The following HSD17B12 variants were observed in gnomAD, a reference collection of about 807,000 sequenced individuals.
HSD17B12 encodes very-long-chain 3-oxoacyl-CoA reductase.
In HSD17B12, 32 loss-of-function variants were observed where a neutral mutation model predicts 39.3. That is an observed-to-expected ratio of 0.81 (90% CI 0.61 to 1.09). The LOEUF is 1.09. Ranked by LOEUF, HSD17B12 falls within the 50% of genes least tolerant of loss-of-function variation. The probability of loss-of-function intolerance (pLI) is 0.00; values close to 1 mark genes in which losing one functional copy is unlikely to be tolerated. For synonymous variants in HSD17B12, 150 were observed against 146.7 expected (o/e 1.02, Z -0.16); for missense variants, 342 against 382.9 (o/e 0.89, Z 0.89).
At chr11:43,720,603 A>G (rs922923313) in intron 1 of HSD17B12, among the ~76,000 whole-genome samples, 1 of 152,220 alleles carries the variant, frequency 6.6e-6, no homozygotes, top group Admixed American at 6.5e-5. Flanking sequence ...AAGCAAGTCA[A>G]TCAAAGCAAG....
chr11:43,854,758 G>T lies in HSD17B12; in HGVS notation c.728G>T (p.Arg243Leu), dbSNP rs541301375. Reference protein sequence around the residue: ...YFVATKLAKIRKPTLDKPSPE... With the variant: ...YFVATKLAKILKPTLDKPSPE... ...GTAGCTACAAAACTGGCTAAAATCCGGAAGCCAACTTTGGATAAGCCCTCT... is the reference window on the plus strand; with the variant it reads ...GTAGCTACAAAACTGGCTAAAATCCTGAAGCCAACTTTGGATAAGCCCTCT... The change falls in exon 10 of 11, where the codon CGG (arginine) becomes CTG (leucine). Residue 243 changes from arginine (R) to leucine (L), a missense_variant. Arg to Leu is a moderately radical substitution (Grantham distance 102). Transcript: ENST00000278353. 2.3e-5 allele frequency: 37 copies of T among 1,613,998 alleles called. No individual in the cohort carries two copies. The highest frequency in any genetic ancestry group is 3.1e-5 in the Non-Finnish European group (37 of 1,180,024).
chr11:43,699,146 A>G (rs780564110), intron 1 of HSD17B12, among the ~76,000 whole-genome samples: 7 of 152,186 alleles, frequency 4.6e-5, no homozygotes, highest in Non-Finnish European at 1.0e-4. Context: ...CTATGGTATA[A>G]TTGGAAGACT....
At chr11:43,849,787 C>G (rs554836028) in intron 9 of HSD17B12, among the ~76,000 whole-genome samples, 8 of 152,244 alleles carry the variant, frequency 5.3e-5, no homozygotes, top group Middle Eastern at 3.4e-3. Flanking sequence ...AATGTAAGCT[C>G]TGTAAGATTA....
At chr11:43,795,378 A>G (rs1373295961) in intron 3 of HSD17B12, among the ~76,000 whole-genome samples, 2 of 152,080 alleles carry the variant, frequency 1.3e-5, no homozygotes, top group Non-Finnish European at 2.9e-5. Context: ...TTCTTATTCA[A>G]TTGCCTTGGC....
intron 4 of HSD17B12, among the ~76,000 whole-genome samples, chr11:43,808,394 G>C (rs1951038962): frequency 6.6e-6 from 1 of 151,750 alleles, no homozygotes; most frequent in Non-Finnish European, 1.5e-5. Flanking sequence ...GATTGGATTT[G>C]TAAAGTGAGC....
At chr11:43,701,629 A>C (rs1053497499) in intron 1 of HSD17B12, among the ~76,000 whole-genome samples, 2 of 152,216 alleles carry the variant, frequency 1.3e-5, no homozygotes, top group Non-Finnish European at 2.9e-5. Context: ...GTTGAAAATG[A>C]GTTCACTGTA....
intron 3 of HSD17B12, among the ~76,000 whole-genome samples, chr11:43,766,072 G>C (rs1354929632): frequency 6.6e-6 from 1 of 152,182 alleles, no homozygotes; most frequent in Non-Finnish European, 1.5e-5. Flanking sequence ...TGATCTGCCT[G>C]CCTCGGCCTC....
intron 4 of HSD17B12, 64 bp from the exon 5 acceptor site, chr11:43,815,373 A>G: frequency 1.1e-6 from 1 of 880,504 alleles, no homozygotes; most frequent in Admixed American, 1.8e-5. Flanking sequence ...CTTTAATGTC[A>G]TTATTTTAAC....
intron 1 of HSD17B12, among the ~76,000 whole-genome samples, chr11:43,703,330 G>A (rs1949983875): frequency 6.6e-6 from 1 of 151,336 alleles, no homozygotes; most frequent in East Asian, 1.9e-4. Context: ...AAGTAGCTGG[G>A]ACTACAGGCG....
chr11:43,686,387 T>A lies in HSD17B12; in HGVS notation c.160+5400T>A, dbSNP rs1222602905. Among the ~76,000 whole-genome samples the A allele has an allele frequency of 2.6e-5, 4 of 152,304 alleles. No homozygotes were observed. In the East Asian group the frequency reaches 7.7e-4, roughly 29 times the overall value. On this transcript the variant is annotated intron_variant, in intron 1 of 10. Transcript: ENST00000278353. ...TGGAAAAAGTTCTGCAGATTAAAGTTGGCAGGGCAACTTTCAAGTACTAGT... is the reference window on the plus strand; with the variant it reads ...TGGAAAAAGTTCTGCAGATTAAAGTAGGCAGGGCAACTTTCAAGTACTAGT...
At chr11:43,835,982 T>A (rs1451627208) in intron 7 of HSD17B12, among the ~76,000 whole-genome samples, 2 of 152,182 alleles carry the variant, frequency 1.3e-5, no homozygotes, top group Non-Finnish European at 2.9e-5. Context: ...GAGTGAAGTT[T>A]TAAGGGTCTG....
At chr11:43,587,132 A>T in the HSD17B12 span, among the ~76,000 whole-genome samples, 1 of 152,214 alleles carries the variant, frequency 6.6e-6, no homozygotes, top group African/African-American at 2.4e-5. Context: ...AGGCCTCAAT[A>T]TCTCCATCTA....
At chr11:43,659,873 C>T in the HSD17B12 span, among the ~76,000 whole-genome samples, 1 of 152,158 alleles carries the variant, frequency 6.6e-6, no homozygotes, top group Non-Finnish European at 1.5e-5. Context: ...CAGGCTGAGA[C>T]TTATTAGTTC....
the HSD17B12 span, among the ~76,000 whole-genome samples, chr11:43,589,387 C>T: frequency 2.6e-5 from 4 of 152,334 alleles, no homozygotes; most frequent in East Asian, 5.8e-4. Flanking sequence ...ATGGTCCCTA[C>T]ATTTTCTGGG....
intron 6 of HSD17B12, among the ~76,000 whole-genome samples, chr11:43,822,515 A>T (rs1302198039): frequency 6.6e-6 from 1 of 151,998 alleles, no homozygotes; most frequent in Non-Finnish European, 1.5e-5. Context: ...CTGGGGTGTG[A>T]TGTTCCCCTT....
At position 43,851,205 on chromosome 11, in the gene HSD17B12, CT is replaced by C. The variant is rs541631858; in HGVS notation, c.685-3508del. ...AATGCTAAATTTGAAGACCAGGATACTTGCCCACATCTGCAGCTCTCAAGGT... is the reference window on the plus strand; with the variant it reads ...AATGCTAAATTTGAAGACCAGGATACTGCCCACATCTGCAGCTCTCAAGGT... On this transcript the variant is annotated intron_variant, in intron 9 of 10. Coordinates refer to ENST00000278353, the MANE Select transcript of HSD17B12 (RefSeq NM_016142.3). 9.3e-4 allele frequency among the ~76,000 whole-genome samples: 141 copies of C among 152,316 alleles called. 1 individual carries two copies. The highest frequency in any genetic ancestry group is 1.3e-3 in the Non-Finnish European group (90 of 68,028).
chr11:43,800,915 G>A (rs1244208199), intron 4 of HSD17B12, among the ~76,000 whole-genome samples: 1 of 152,048 alleles, frequency 6.6e-6, no homozygotes, highest in Non-Finnish European at 1.5e-5. Context: ...AAGGCGAGAG[G>A]ATCACCTGAG....
intron 3 of HSD17B12, among the ~76,000 whole-genome samples, chr11:43,769,488 A>G (rs527354687): frequency 6.6e-6 from 1 of 152,314 alleles, no homozygotes; most frequent in South Asian, 2.1e-4. Flanking sequence ...CTGAGCTTCA[A>G]TTGCCCATCA....
chr11:43,700,761 A>G (rs1404567687), intron 1 of HSD17B12, among the ~76,000 whole-genome samples: 1 of 152,178 alleles, frequency 6.6e-6, no homozygotes, highest in African/African-American at 2.4e-5. Context: ...TTGCTTCCAA[A>G]TCTTAGCTAT....
Sources: allele counts gnomAD v4.1 joint callset (sites outside exome capture counted in the v4.1 genomes callset), GRCh38; gene constraint gnomAD v4.1.1; transcripts MANE v1.5; gene names NCBI Gene and HGNC (gene_info 2026-07-23, HGNC 2026-07-21).